HTR7: variants seen among roughly 807,000 people sequenced by gnomAD.
HTR7 encodes the protein 5-HT-7.
HTR7 carries 16 observed loss-of-function variants against 34.0 expected under a neutral mutation model. The observed-to-expected ratio is 0.47, with a 90% confidence interval of 0.32 to 0.71. The LOEUF is 0.71. Ranked by LOEUF, HTR7 falls within the 30% of genes least tolerant of loss-of-function variation. The pLI, the probability that HTR7 is intolerant of heterozygous loss-of-function variation, is 0.04. For synonymous variants in HTR7, 265 were observed against 260.2 expected, an observed-to-expected ratio of 1.02 and a Z score of -0.18; for missense variants, 504 against 625.5, an observed-to-expected ratio of 0.81 and a Z score of 2.07.
At chr10:90,833,019 G>A (rs895486273) in intron 1 of HTR7, among the ~76,000 whole-genome samples, 7 of 152,226 alleles carry the variant, frequency 4.6e-5, no homozygotes, top group Admixed American at 1.3e-4. Context: ...CCAGGGAAGA[G>A]GATGGGGTGG....
intron 1 of HTR7, among the ~76,000 whole-genome samples, chr10:90,793,678 A>G (rs1845494129): frequency 6.6e-6 from 1 of 152,070 alleles, no homozygotes; most frequent in Admixed American, 6.5e-5. Flanking sequence ...ATTAAGGAGT[A>G]TTGACACACA....
chr10:90,827,999 GA>G (rs1846106732), intron 1 of HTR7, among the ~76,000 whole-genome samples: 2 of 152,138 alleles, frequency 1.3e-5, no homozygotes, highest in Non-Finnish European at 2.9e-5. Context: ...CAAAAAAACT[GA>G]AAGAATAAGT....
chr10:90,823,037 G>C (rs530021817), intron 1 of HTR7, among the ~76,000 whole-genome samples: 14 of 152,378 alleles, frequency 9.2e-5, no homozygotes, highest in African/African-American at 3.4e-4. Context: ...TACTGCAGGG[G>C]CAAAGCCCTC....
intron 1 of HTR7, among the ~76,000 whole-genome samples, chr10:90,753,907 G>C (rs188323867): frequency 9.5e-4 from 144 of 152,054 alleles, no homozygotes; most frequent in African/African-American, 3.3e-3. Flanking sequence ...ATAAAACTGG[G>C]TGTATGCTTG....
At chr10:90,842,475 A>T (rs1256589216) in intron 1 of HTR7, among the ~76,000 whole-genome samples, 1 of 151,958 alleles carries the variant, frequency 6.6e-6, no homozygotes, top group Non-Finnish European at 1.5e-5. Flanking sequence ...CTTGCTGTGT[A>T]CTCCTAACCT....
intron 1 of HTR7, among the ~76,000 whole-genome samples, chr10:90,776,983 T>C (rs1264797252): frequency 6.6e-6 from 1 of 152,184 alleles, no homozygotes; most frequent in Non-Finnish European, 1.5e-5. Flanking sequence ...ATTAATTCTG[T>C]AGAATAAGTG....
intron 1 of HTR7, among the ~76,000 whole-genome samples, chr10:90,840,644 T>C (rs1256738588): frequency 6.6e-6 from 1 of 152,188 alleles, no homozygotes; most frequent in Non-Finnish European, 1.5e-5. Context: ...AACAATATGT[T>C]CCTTACTAGA....
Position 90,749,122 on chromosome 10 carries a change from C to T in HTR7, c.1012G>A (p.Val338Met), listed in dbSNP as rs141895642. 34 of 1,614,180 alleles carry T rather than the reference C, an allele frequency of 2.1e-5. No individual in the cohort carries two copies. The highest frequency in any genetic ancestry group is 4.5e-5 in the East Asian group (2 of 44,886). Reference protein sequence around the residue: ...TLGIIVGAFTVCWLPFFLLST... With the variant: ...TLGIIVGAFTMCWLPFFLLST... ...AGGAGGAAAAATGGCAGCCAGCACA[C>T]GGTAAAGGCCCCGACGATGATCCCC... Residue 338 changes from valine to methionine, a missense_variant, in exon 2 of 4, where the codon GTG (valine) becomes ATG (methionine). By Grantham distance (21) the Val-to-Met change is conservative (BLOSUM62 1). Around this residue, in one of 4 missense-constraint regions of HTR7, gnomAD observed 154 missense variants for 212.1 expected, o/e 0.73. Coordinates refer to ENST00000336152, the MANE Select transcript of HTR7 (RefSeq NM_019859.4). This position sits in a 1 kb window ranked among gnomAD's most constrained non-coding sequence, Gnocchi z 4.2.
At chr10:90,787,201 G>A (rs1845393008) in intron 1 of HTR7, among the ~76,000 whole-genome samples, 1 of 152,060 alleles carries the variant, frequency 6.6e-6, no homozygotes, top group Non-Finnish European at 1.5e-5. Context: ...TAAATAATAA[G>A]ACAAACCGCT....
chr10:90,803,438 T>C (rs567161448), intron 1 of HTR7, among the ~76,000 whole-genome samples: 1 of 152,312 alleles, frequency 6.6e-6, no homozygotes, highest in South Asian at 2.1e-4. Context: ...TTTCCCTTAC[T>C]AGTTGAATAT....
At chr10:90,782,394 TTA>T (rs1845319149) in intron 1 of HTR7, among the ~76,000 whole-genome samples, 1 of 152,190 alleles carries the variant, frequency 6.6e-6, no homozygotes, top group Admixed American at 6.5e-5. Context: ...ATAATCCATA[TTA>T]TATTTTCAAT....
chr10:90,752,185 A>C (rs1223856425), intron 1 of HTR7, among the ~76,000 whole-genome samples: 1 of 152,042 alleles, frequency 6.6e-6, no homozygotes, highest in Non-Finnish European at 1.5e-5. Flanking sequence ...AAATCAACTG[A>C]AATATTACTA....
At chr10:90,763,617 G>GCC (rs1346542302) in intron 1 of HTR7, among the ~76,000 whole-genome samples, 1 of 151,840 alleles carries the variant, frequency 6.6e-6, no homozygotes, top group Non-Finnish European at 1.5e-5. Flanking sequence ...CCCTCCTCTT[G>GCC]CCCCCCATCC....
At chr10:90,824,447 C>A (rs1846037482) in intron 1 of HTR7, among the ~76,000 whole-genome samples, 1 of 152,186 alleles carries the variant, frequency 6.6e-6, no homozygotes, top group Non-Finnish European at 1.5e-5. Context: ...CAGCACATTC[C>A]CAGCTGTGGT....
chr10:90,742,189 G>A lies in HTR7; in HGVS notation c.*293C>T, dbSNP rs991991403. 2 of 246,980 alleles carry A rather than the reference G, an allele frequency of 8.1e-6. No homozygotes were observed. Among genetic ancestry groups the A allele is most frequent in the African/African-American group, 4.5e-5 (2 of 44,726 alleles). 15.3% of individuals were successfully genotyped at this position (246,980 alleles called of 1,614,324 possible). ...CCCACTTGCATGGATTTGGACATAT[G>A]CAAAGCACCAGAAACTGCTTCCTTT... On this transcript the variant is annotated 3_prime_UTR_variant, in exon 4 of 4. Coordinates refer to ENST00000336152, the MANE Select transcript of HTR7 (RefSeq NM_019859.4).
chr10:90,851,718 C>T (rs1443178674), intron 1 of HTR7, among the ~76,000 whole-genome samples: 1 of 151,852 alleles, frequency 6.6e-6, no homozygotes, highest in African/African-American at 2.4e-5. Context: ...TTGGCTGTGT[C>T]CCCAACCAAA....
At chr10:90,856,607 A>G (rs2120142774) in intron 1 of HTR7, among the ~76,000 whole-genome samples, 1 of 152,356 alleles carries the variant, frequency 6.6e-6, no homozygotes, top group African/African-American at 2.4e-5. Context: ...TCCACAAGCA[A>G]GAATGCGATT....
intron 1 of HTR7, among the ~76,000 whole-genome samples, chr10:90,821,432 G>A (rs1845979132): frequency 6.6e-6 from 1 of 152,178 alleles, no homozygotes; most frequent in Non-Finnish European, 1.5e-5. Context: ...AATGGAGGGA[G>A]CATTTAAACC....
intron 1 of HTR7, among the ~76,000 whole-genome samples, chr10:90,770,656 CCT>C (rs968806591): frequency 3.9e-5 from 6 of 152,172 alleles, no homozygotes; most frequent in Non-Finnish European, 5.9e-5. Context: ...ATGCCAGCCC[CCT>C]GTCGCCCTGG....
Sources: gnomAD v4.1 joint callset for allele counts (sites outside exome capture counted in the v4.1 genomes callset) on GRCh38, gnomAD v4.1.1 for gene constraint, gnomAD v4.1.1 regional missense constraint, Gnocchi (gnomAD v3.1) non-coding constraint, MANE v1.5 for transcripts, NCBI Gene and HGNC (gene_info 2026-07-23, HGNC 2026-07-21) for gene names.